The following MGAT5B variants were observed in gnomAD, a reference collection of about 807,000 sequenced individuals.
MGAT5B encodes the protein N-acetylglucosaminyl-transferase Vb.
MGAT5B carries 54 observed loss-of-function variants against 95.1 expected under a neutral mutation model. The ratio of observed to expected loss-of-function variants is 0.57; its 90% CI spans 0.46 to 0.71. The LOEUF is 0.71. Ranked by LOEUF, MGAT5B falls within the 30% of genes least tolerant of loss-of-function variation. The probability of loss-of-function intolerance (pLI) is 0.00; values close to 1 mark genes in which losing one functional copy is unlikely to be tolerated. For missense variants in MGAT5B, 935 were observed against 1,088.6 expected (o/e 0.86, Z 1.99); for synonymous variants, 464 against 451.0 (o/e 1.03, Z -0.36).
Position 76,946,363 on chromosome 17 carries a change from A to G in MGAT5B, c.1849-13A>G. 1 of 1,603,826 alleles carries G rather than the reference A, an allele frequency of 6.2e-7. No individual in the cohort carries two copies. Among genetic ancestry groups the G allele is most frequent in the South Asian group, 1.1e-5 (1 of 89,928 alleles). ...CTTCTCCCGCCCCATGTGTCTGCCC[A>G]TCCCTCCCACAGGTAGACCCCTACC... On this transcript the variant is annotated splice_polypyrimidine_tract_variant and intron_variant, in intron 15 of 17. Transcript: ENST00000569840.
At chr17:76,886,004 G>T (rs2145145305) in intron 3 of MGAT5B, among the ~76,000 whole-genome samples, 1 of 152,346 alleles carries the variant, frequency 6.6e-6, no homozygotes, top group South Asian at 2.1e-4. Flanking sequence ...CTTCTGGGCT[G>T]CCGCCTTCCA....
intron 16 of MGAT5B, 40 bp from the exon 17 acceptor site, chr17:76,947,790 G>T: frequency 2.0e-6 from 3 of 1,506,636 alleles, no homozygotes; most frequent in Non-Finnish European, 1.8e-6. Context: ...GCACACCTGG[G>T]TCGCACTTCC....
intron 3 of MGAT5B, among the ~76,000 whole-genome samples, chr17:76,884,436 T>C (rs1287215066): frequency 1.3e-5 from 2 of 152,074 alleles, no homozygotes; most frequent in Non-Finnish European, 2.9e-5. Context: ...TTTATTTATT[T>C]ATTTATTTTT....
chr17:76,904,144 A>C, intron 5 of MGAT5B, 108 bp from the exon 6 acceptor site: 1 of 1,155,830 alleles, frequency 8.7e-7, no homozygotes, highest in South Asian at 1.6e-5. Flanking sequence ...GGTGGGCCAC[A>C]TGGGCCCCAT....
chr17:76,891,444 A>G (rs1212765976), intron 3 of MGAT5B, among the ~76,000 whole-genome samples: 1 of 151,640 alleles, frequency 6.6e-6, no homozygotes, highest in African/African-American at 2.4e-5. Context: ...TAGTGGTACA[A>G]TCTCGGCTCA....
At position 76,882,298 on chromosome 17, in the gene MGAT5B, G is replaced by C. The variant is rs1237885330; in HGVS notation, c.329G>C (p.Arg110Thr). The change falls in exon 3 of 18, where the codon AGG becomes ACG. Residue 110 changes from arginine (R) to threonine (T), a missense_variant and splice_region_variant. Arg to Thr is a moderately conservative substitution (Grantham distance 71). This residue lies in a region of MGAT5B where 243 missense variants were observed against 228.2 expected (regional missense o/e 1.06). Transcript: ENST00000569840. Reference sequence around the variant, plus strand: ...GGCGACCTGCACTTTCCCGCAGACAGGTGAGGGGACGTGGGGAGGAGGCAC... The same window carrying C: ...GGCGACCTGCACTTTCCCGCAGACACGTGAGGGGACGTGGGGAGGAGGCAC... ...AGGDLHFPAD[R>T]MPPGAGLMER... The C allele has an allele frequency of 1.2e-6, 2 of 1,609,782 alleles. No individual in the cohort carries two copies. The highest frequency in any genetic ancestry group is 1.7e-6 in the Non-Finnish European group (2 of 1,178,580).
Position 76,940,684 on chromosome 17 carries a change from C to G in MGAT5B, c.1732-48C>G, listed in dbSNP as rs1237107372. 1 of 1,604,678 alleles carries G rather than the reference C, an allele frequency of 6.2e-7. No homozygotes were observed. Among genetic ancestry groups the G allele is most frequent in the Non-Finnish European group, 8.5e-7 (1 of 1,172,640 alleles). ...ATGGGGTACCTTTCTTTGTCCCTGT[C>G]CCACTGGCAGGCACGGGGGGCATCT... On this transcript the variant is annotated intron_variant, in intron 14 of 17. Coordinates refer to ENST00000569840, the MANE Select transcript of MGAT5B (RefSeq NM_001199172.2). This position sits in a 1 kb window ranked among gnomAD's most constrained non-coding sequence, Gnocchi z 4.3.
At chr17:76,929,011 A>T (rs1375969034) in intron 10 of MGAT5B, among the ~76,000 whole-genome samples, 1 of 151,960 alleles carries the variant, frequency 6.6e-6, no homozygotes, top group Non-Finnish European at 1.5e-5. Context: ...GACCACAGGC[A>T]CACGTCACTT....
chr17:76,905,150 G>A lies in MGAT5B; in HGVS notation c.691-19G>A. The A allele has an allele frequency of 6.3e-7, 1 of 1,588,612 alleles. No individual in the cohort carries two copies. Among genetic ancestry groups the A allele is most frequent in the Non-Finnish European group, 8.6e-7 (1 of 1,161,512 alleles). On this transcript the variant is annotated intron_variant, in intron 6 of 17. Transcript: ENST00000569840. The surrounding 1 kb of genome is among the most constrained non-coding windows in gnomAD (Gnocchi z 4.2). ...GCCGCAGGTTGAGGGGCAGAGAGCT[G>A]AGGTCTGGACCCCTCCAGGCAGTTT...
intron 8 of MGAT5B, among the ~76,000 whole-genome samples, chr17:76,909,054 G>GCC (rs1476060153): frequency 6.6e-6 from 1 of 151,948 alleles, no homozygotes; most frequent in African/African-American, 2.4e-5. Flanking sequence ...TGATCCACCT[G>GCC]CTTTGGCCTC....
At position 76,948,715 on chromosome 17, in the gene MGAT5B, G is replaced by A; in HGVS notation, c.2256G>A (p.Glu752=). 2 of 1,613,396 alleles carry A rather than the reference G, an allele frequency of 1.2e-6. No homozygotes were observed. The highest frequency in any genetic ancestry group is 1.7e-6 in the Non-Finnish European group (2 of 1,179,842). The change falls in exon 18 of 18, where the codon GAG becomes GAA. Residue 752 remains glutamate (E), a synonymous_variant. Coordinates refer to ENST00000569840, the MANE Select transcript of MGAT5B (RefSeq NM_001199172.2). ...LYPAFAQPGQ[E]CYLQKEPLLF... ...CGGCGTTCGCCCAGCCTGGCCAGGA[G>A]TGCTACCTGCAGAAGGAGCCTCTGC...
At chr17:76,925,277 G>A (rs1307614774) in intron 9 of MGAT5B, among the ~76,000 whole-genome samples, 180 bp downstream of exon 9, 4 of 1,826 alleles carry the variant, frequency 2.2e-3, no homozygotes, top group Admixed American at 0.011. Context: ...TCTGCCTCCC[G>A]GCTAACTCAA....
intron 2 of MGAT5B, among the ~76,000 whole-genome samples, chr17:76,879,066 G>C (rs80009619): frequency 6.6e-6 from 1 of 152,160 alleles, no homozygotes. Flanking sequence ...TGACTTTCAG[G>C]GGCCTCTGCA....
intron 15 of MGAT5B, among the ~76,000 whole-genome samples, chr17:76,945,237 C>T (rs539501133): frequency 3.3e-5 from 5 of 152,328 alleles, no homozygotes; most frequent in African/African-American, 7.2e-5. Flanking sequence ...TTTACCCAAG[C>T]TACTGCATGC....
In MGAT5B at chr17:76,930,948, G is replaced by A. The variant is rs904418959; in HGVS notation, c.1292-1697G>A. 1.3e-5 allele frequency among the ~76,000 whole-genome samples: 2 copies of A among 152,268 alleles called. No homozygotes were observed. The highest frequency in any genetic ancestry group is 2.1e-4 in the South Asian group (1 of 4,820). ...CCGAGGGGACAGCAGCAGGGGCAAC[G>A]CTTGGAGGTGGGAATGGGAGGCTTT... On this transcript the variant is annotated intron_variant, in intron 10 of 17. Transcript: ENST00000569840. This position sits in a 1 kb window ranked among gnomAD's most constrained non-coding sequence, Gnocchi z 4.1.
At position 76,932,680 on chromosome 17, in the gene MGAT5B, T is replaced by A; in HGVS notation, c.1327T>A (p.Ser443Thr). ...TPDNSFMGFV[S>T]EELNETEKRL... is the part of the protein sequence containing the mutation. ...CGACAACTCCTTCATGGGCTTCGTG[T>A]CCGAGGAGCTCAACGAGACGGAGAA... The change falls in exon 11 of 18, where the codon TCC becomes ACC. Residue 443 changes from serine (S) to threonine (T), a missense_variant. Physicochemically the swap from Ser to Thr is moderately conservative, Grantham distance 58. Transcript: ENST00000569840. 6.2e-7 allele frequency: 1 copy of A among 1,613,978 alleles called. No homozygotes were observed. The highest frequency in any genetic ancestry group is 8.5e-7 in the Non-Finnish European group (1 of 1,179,944).
In MGAT5B at chr17:76,918,396, C is replaced by T. The variant is rs537603214; in HGVS notation, c.1026-6570C>T. ...ACATGCTGGGGATGCTCAAGGGCATCGCCTTTTCAGGAGATGGGAGCTGAG... is the reference window on the plus strand; with the variant it reads ...ACATGCTGGGGATGCTCAAGGGCATTGCCTTTTCAGGAGATGGGAGCTGAG... On this transcript the variant is annotated intron_variant, in intron 8 of 17. Transcript: ENST00000569840. This position sits in a 1 kb window ranked among gnomAD's most constrained non-coding sequence, Gnocchi z 5.1. Among the ~76,000 whole-genome samples, 3 of 152,324 alleles carry T rather than the reference C, an allele frequency of 2.0e-5. No homozygotes were observed. Among genetic ancestry groups the T allele is most frequent in the East Asian group, 3.9e-4 (2 of 5,180 alleles).
In MGAT5B at chr17:76,912,457, C is replaced by T. The variant is rs1391947896; in HGVS notation, c.1025+6270C>T. Among the ~76,000 whole-genome samples, 1 of 152,116 alleles carries T rather than the reference C, an allele frequency of 6.6e-6. No homozygotes were observed. The highest frequency in any genetic ancestry group is 2.4e-5 in the African/African-American group (1 of 41,432). On this transcript the variant is annotated intron_variant, in intron 8 of 17. Coordinates refer to ENST00000569840, the MANE Select transcript of MGAT5B (RefSeq NM_001199172.2). This position sits in a 1 kb window ranked among gnomAD's most constrained non-coding sequence, Gnocchi z 5.0. ...TCTGAGTGTCTCAGCTTGGTTTCTG[C>T]GACAGAAATGTCTCCCTTGGCTGGC...
At chr17:76,882,373 G>C (rs772651230) in intron 3 of MGAT5B, 75 bp downstream of exon 3, 150 of 1,488,328 alleles carry the variant, frequency 1.0e-4, no homozygotes, top group Non-Finnish European at 1.3e-4. Context: ...GGTGCTGTCC[G>C]TCATCTCCTT....
Sources: allele counts gnomAD v4.1 joint callset (sites outside exome capture counted in the v4.1 genomes callset), GRCh38; gene constraint gnomAD v4.1.1; regional missense constraint gnomAD v4.1.1; non-coding constraint Gnocchi (gnomAD v3.1); transcripts MANE v1.5; gene names NCBI Gene and HGNC (gene_info 2026-07-23, HGNC 2026-07-21).